Variants in ATXN7 observed in about 807,000 individuals in gnomAD.
The protein encoded by ATXN7 is ataxin-7.
Under a neutral mutation model 70.5 loss-of-function variants are expected in ATXN7, and 12 were observed. The observed-to-expected ratio is 0.17, with a 90% CI of 0.11 to 0.28. The LOEUF (loss-of-function observed/expected upper bound fraction) is 0.28, where lower values mean the gene tolerates loss of function less well. ATXN7 is among the 10% of genes least tolerant of loss of function. The probability of loss-of-function intolerance (pLI) is 1.00; values close to 1 mark genes in which losing one functional copy is unlikely to be tolerated. For missense variants in ATXN7, 1,256 were observed against 1,131.7 expected (o/e 1.11, Z -1.58); for synonymous variants, 498 against 448.7 (o/e 1.11, Z -1.39).
intron 4 of ATXN7, among the ~76,000 whole-genome samples, chr3:63,927,830 A>G (rs749225483): frequency 2.0e-5 from 3 of 151,808 alleles, no homozygotes; most frequent in African/African-American, 4.8e-5. Context: ...TAAATGCTAC[A>G]CTTTCTGTTC....
chr3:63,901,651 C>G (rs1439885141), intron 2 of ATXN7: 2 of 152,094 alleles, frequency 1.3e-5, no homozygotes, highest in Non-Finnish European at 2.9e-5. Flanking sequence ...GTCTGGAACT[C>G]CTGAACCCTG....
At chr3:63,990,103 T>C in intron 9 of ATXN7, 73 bp from the exon 10 acceptor site, 1 of 1,455,864 alleles carries the variant, frequency 6.9e-7, no homozygotes, top group South Asian at 1.2e-5. Flanking sequence ...TTGGACACAC[T>C]GTTGTATCTC....
chr3:64,003,306 A>G lies in ATXN7; in HGVS notation c.*3839A>G, dbSNP rs1317080676. 1.3e-5 allele frequency: 2 copies of G among 150,574 alleles called. No individual in the cohort carries two copies. Among genetic ancestry groups the G allele is most frequent in the Non-Finnish European group, 2.9e-5 (2 of 67,892 alleles). 9.3% of individuals were successfully genotyped at this position (150,574 alleles called of 1,614,324 possible). On this transcript the variant is annotated 3_prime_UTR_variant, in exon 13 of 13. Transcript: ENST00000674280. ...ATAATTTGTACACATAATCAAGAGCATCTCAGCTGGACTTTGTGTTGGCTG... is the reference window on the plus strand; with the variant it reads ...ATAATTTGTACACATAATCAAGAGCGTCTCAGCTGGACTTTGTGTTGGCTG...
intron 5 of ATXN7, among the ~76,000 whole-genome samples, chr3:63,966,880 A>C (rs542609182): frequency 6.6e-6 from 1 of 152,218 alleles, no homozygotes; most frequent in Non-Finnish European, 1.5e-5. Context: ...ATTTTGAACT[A>C]TCAGGTATCT....
chr3:63,987,202 A>G (rs143275226), intron 8 of ATXN7, among the ~76,000 whole-genome samples: 1,840 of 152,352 alleles, frequency 0.012, 15 homozygotes, highest in Middle Eastern at 0.037. Context: ...GCCAGTAACT[A>G]TGAAATGCGT....
In ATXN7 at chr3:63,917,175, C is replaced by CT. The variant is rs1332693119; in HGVS notation, c.394+3951dup. Among the ~76,000 whole-genome samples, 3 of 152,138 alleles carry CT rather than the reference C, an allele frequency of 2.0e-5. No homozygotes were observed. In the East Asian group the frequency reaches 5.8e-4, roughly 29 times the overall value. ...CCAGAAGTGATCCACCCACCTCGGCCTCCCAAAGTGTTGGGATGACAGGTA... is the reference window on the plus strand; with the variant it reads ...CCAGAAGTGATCCACCCACCTCGGCCTTCCCAAAGTGTTGGGATGACAGGTA... On this transcript the variant is annotated intron_variant, in intron 4 of 12. Coordinates refer to ENST00000674280, the MANE Select transcript of ATXN7 (RefSeq NM_001377405.1).
rs189890503 is a variant in ATXN7, at chr3:63,941,993, C to T, written c.395-10386C>T. On this transcript the variant is annotated intron_variant, in intron 4 of 12. Coordinates refer to ENST00000674280, the MANE Select transcript of ATXN7 (RefSeq NM_001377405.1). ...AACCTGTTACGTGGAGACCAGCCTT[C>T]CTCTTCTCTCTGGTTTCTTAGAAAT... 1.3e-4 allele frequency among the ~76,000 whole-genome samples: 20 copies of T among 152,324 alleles called. No homozygotes were observed. In the East Asian group the frequency reaches 1.9e-3, roughly 15 times the overall value.
At chr3:63,961,798 C>A (rs1454430819) in intron 5 of ATXN7, among the ~76,000 whole-genome samples, 4 of 152,068 alleles carry the variant, frequency 2.6e-5, no homozygotes, top group South Asian at 4.2e-4. Flanking sequence ...TCTTGACTTG[C>A]CTGCTACATG....
At chr3:63,997,831 G>A in intron 12 of ATXN7, 1 of 1,447,882 alleles carries the variant, frequency 6.9e-7, no homozygotes, top group Non-Finnish European at 9.1e-7. Context: ...TCTAATATTT[G>A]GGTGAATTAA....
intron 1 of ATXN7, among the ~76,000 whole-genome samples, chr3:63,865,841 G>GCCCAGATC (rs1424053519): frequency 4.0e-4 from 48 of 120,360 alleles, no homozygotes; most frequent in South Asian, 2.9e-3. Flanking sequence ...CTTGCAGTGA[G>GCCCAGATC]CCCAGATCCC....
rs1411536201 is a variant in ATXN7 at position 64,000,912 on chromosome 3, T to C, written c.*1445T>C. 6.6e-6 allele frequency: 1 copy of C among 151,282 alleles called. No individual in the cohort carries two copies. The highest frequency in any genetic ancestry group is 1.5e-5 in the Non-Finnish European group (1 of 67,974). The allele number at this position is 151,282 out of a possible 1,614,324, so 9.4% of individuals were successfully genotyped here. ...GCCTTTAAATGGGTGCTTCCACCAC[T>C]ACAGGCTCCTGACACGAGTAACAGG... On this transcript the variant is annotated 3_prime_UTR_variant, in exon 13 of 13. Transcript: ENST00000674280.
At chr3:63,879,984 G>A (rs1389554907) in intron 1 of ATXN7, among the ~76,000 whole-genome samples, 1 of 151,942 alleles carries the variant, frequency 6.6e-6, no homozygotes, top group Non-Finnish European at 1.5e-5. Flanking sequence ...TACTCGGGAG[G>A]CTGAGGCAAG....
rs184942297 is a variant in ATXN7 at position 63,917,637 on chromosome 3, A to G, written c.394+4412A>G. Among the ~76,000 whole-genome samples the G allele has an allele frequency of 2.6e-5, 4 of 152,228 alleles. No homozygotes were observed. In the South Asian group the frequency reaches 6.2e-4, roughly 24 times the overall value. On this transcript the variant is annotated intron_variant, in intron 4 of 12. Coordinates refer to ENST00000674280, the MANE Select transcript of ATXN7 (RefSeq NM_001377405.1). ...TCTGTACTTTTTCTTTCTGCATTCT[A>G]CGTGTCAGCATTTGAAACTCTGCAT...
At chr3:63,929,027 A>G (rs906858258) in intron 4 of ATXN7, among the ~76,000 whole-genome samples, 6 of 152,318 alleles carry the variant, frequency 3.9e-5, no homozygotes, top group South Asian at 2.1e-4. Flanking sequence ...TGTAGGGTAT[A>G]TAGTTTGTAG....
chr3:63,965,669 C>T (rs1450485663), intron 5 of ATXN7, among the ~76,000 whole-genome samples: 1 of 152,086 alleles, frequency 6.6e-6, no homozygotes, highest in African/African-American at 2.4e-5. Context: ...ACGTCTGAGC[C>T]ATCATTGGGA....
chr3:63,929,462 C>T (rs1301023932), intron 4 of ATXN7, among the ~76,000 whole-genome samples: 3 of 151,786 alleles, frequency 2.0e-5, no homozygotes, highest in African/African-American at 7.3e-5. Context: ...TAGTAGAGAC[C>T]GGGTTTCACC....
At chr3:63,874,003 G>A (rs544234034) in intron 1 of ATXN7, among the ~76,000 whole-genome samples, 4 of 152,160 alleles carry the variant, frequency 2.6e-5, no homozygotes, top group South Asian at 2.1e-4. Flanking sequence ...ACCTGGCCCC[G>A]AGGATTCTTA....
At chr3:63,966,500 C>A (rs1241563696) in intron 5 of ATXN7, among the ~76,000 whole-genome samples, 1 of 152,038 alleles carries the variant, frequency 6.6e-6, no homozygotes, top group African/African-American at 2.4e-5. Flanking sequence ...ATGGCTCTTC[C>A]CTTGCGTTCT....
intron 4 of ATXN7, among the ~76,000 whole-genome samples, chr3:63,930,945 G>A (rs772395384): frequency 3.9e-5 from 6 of 152,170 alleles, no homozygotes; most frequent in African/African-American, 4.8e-5. Flanking sequence ...AAGAACTTGC[G>A]CATTGATTTT....
Sources: gnomAD v4.1 joint callset for allele counts (sites outside exome capture counted in the v4.1 genomes callset) on GRCh38, gnomAD v4.1.1 for gene constraint, MANE v1.5 for transcripts, NCBI Gene and HGNC (gene_info 2026-07-23, HGNC 2026-07-21) for gene names.